ATP6V1B1: variants seen among roughly 807,000 people sequenced by gnomAD.
ATP6V1B1 encodes ATPase H+ transporting V1 subunit B1.
ATP6V1B1 carries 41 observed loss-of-function variants against 62.1 expected under a neutral mutation model. The ratio of observed to expected loss-of-function variants is 0.66; its 90% confidence interval spans 0.51 to 0.86. The LOEUF is 0.86. ATP6V1B1 is among the 40% of genes least tolerant of loss of function. The pLI is 0.00. For missense variants in ATP6V1B1, 651 were observed against 697.5 expected (o/e 0.93, Z 0.75); for synonymous variants, 253 against 273.4 (o/e 0.93, Z 0.74).
At chr2:70,938,899 T>G in intron 1 of ATP6V1B1, 2 of 677,376 alleles carry the variant, frequency 3.0e-6, no homozygotes, top group Non-Finnish European at 3.6e-6. Flanking sequence ...GGAGCTTGAG[T>G]GCCAAACCAC....
At chr2:70,950,135 A>T (rs1327421267) in intron 2 of ATP6V1B1, among the ~76,000 whole-genome samples, 3 of 152,112 alleles carry the variant, frequency 2.0e-5, no homozygotes, top group Admixed American at 6.5e-5. Context: ...TTTGTTCTAT[A>T]ATAGTCCTAT....
rs781992920 is a variant in ATP6V1B1 at position 70,962,764 on chromosome 2, G to A, written c.786-13G>A. The A allele has an allele frequency of 2.5e-6, 4 of 1,613,250 alleles. No individual in the cohort carries two copies. The highest frequency in any genetic ancestry group is 3.3e-4 in the Middle Eastern group (2 of 6,062). On this transcript the variant is annotated splice_polypyrimidine_tract_variant and intron_variant, in intron 8 of 13. Transcript: ENST00000234396. ...GGCCTCCAGGCTCTCTAAACACCTG[G>A]CTACACCTCCAGGATCGAGCGGATC...
In ATP6V1B1 at chr2:70,959,836, A is replaced by T; in HGVS notation, c.446-103A>T. On this transcript the variant is annotated intron_variant, in intron 5 of 13. Coordinates refer to ENST00000234396, the MANE Select transcript of ATP6V1B1 (RefSeq NM_001692.4). This position sits in a 1 kb window ranked among gnomAD's most constrained non-coding sequence, Gnocchi z 4.2. ...CAGAGCACGTTTCTATCATCACAGA[A>T]AGTTCCGTCAAACAGGGCGGCTCTG... 1.9e-6 allele frequency: 3 copies of T among 1,580,982 alleles called. No individual in the cohort carries two copies. The South Asian group carries it at 3.4e-5, about 18-fold the overall frequency.
intron 1 of ATP6V1B1, chr2:70,941,461 TGAA>T (rs1553416393): frequency 1.0e-6 from 1 of 985,038 alleles, no homozygotes; most frequent in Non-Finnish European, 1.2e-6. Context: ...CCCTTGACCC[TGAA>T]GGCTCAGCTC....
At position 70,963,860 on chromosome 2, in the gene ATP6V1B1, G is replaced by C. The variant is rs189307430; in HGVS notation, c.1143+206G>C. On this transcript the variant is annotated intron_variant, in intron 11 of 13. Transcript: ENST00000234396. This position sits in a 1 kb window ranked among gnomAD's most constrained non-coding sequence, Gnocchi z 4.3. ...TTACCTGGCTCTGGGATCTTGAGAA[G>C]ATAATTTCATCTCTTGGATCCTAGG... Among the ~76,000 whole-genome samples, 101 of 152,334 alleles carry C rather than the reference G, an allele frequency of 6.6e-4. 3 individuals carry two copies. The highest frequency in any genetic ancestry group is 5.8e-3 in the Admixed American group (88 of 15,296).
intron 2 of ATP6V1B1, among the ~76,000 whole-genome samples, chr2:70,957,087 CT>C (rs56407020): frequency 0.15 from 18,606 of 124,804 alleles, 1,299 homozygotes; most frequent in African/African-American, 0.29. Flanking sequence ...AGTTCTTCTT[CT>C]TTTTTTTTTT....
Position 70,963,762 on chromosome 2 carries a change from C to A in ATP6V1B1, c.1143+108C>A. On this transcript the variant is annotated intron_variant, in intron 11 of 13. Coordinates refer to ENST00000234396, the MANE Select transcript of ATP6V1B1 (RefSeq NM_001692.4). This position sits in a 1 kb window ranked among gnomAD's most constrained non-coding sequence, Gnocchi z 4.3. ...ATTAGGAGGGGCCAGCCAAAGCGAA[C>A]CCCAAACAGGAGACAGCCACAGGGA... 8.1e-7 allele frequency: 1 copy of A among 1,230,540 alleles called. No individual in the cohort carries two copies. Among genetic ancestry groups the A allele is most frequent in the Non-Finnish European group, 1.2e-6 (1 of 848,640 alleles). 76.2% of individuals were successfully genotyped at this position (1,230,540 alleles called of 1,614,324 possible). A position where few individuals can be genotyped will look rare whatever the true frequency, so the allele number is the denominator to read the frequency against.
At position 70,959,104 on chromosome 2, in the gene ATP6V1B1, C is replaced by A. The variant is rs782448284; in HGVS notation, c.445+9C>A. ...CTTTCTGGATATCAATGGTGAGTGA[C>A]TGGAGGTTCTGGATGGCTTCGGGAC... On this transcript the variant is annotated intron_variant, in intron 5 of 13. Transcript: ENST00000234396. The surrounding 1 kb of genome is among the most constrained non-coding windows in gnomAD (Gnocchi z 4.2). The A allele has an allele frequency of 5.0e-6, 8 of 1,614,040 alleles. No homozygotes were observed. The highest frequency in any genetic ancestry group is 1.1e-5 in the South Asian group (1 of 91,068).
chr2:70,941,387 C>A, intron 1 of ATP6V1B1: 1 of 985,622 alleles, frequency 1.0e-6, no homozygotes. Flanking sequence ...CACGAAGGCC[C>A]TGGATGAGTC....
chr2:70,948,613 T>C (rs1680244984), intron 2 of ATP6V1B1: 1 of 152,646 alleles, frequency 6.6e-6, no homozygotes, highest in Non-Finnish European at 1.5e-5. Flanking sequence ...TCGCTGTCCG[T>C]GCTCCTGGGC....
chr2:70,948,015 C>T (rs1271930813), intron 2 of ATP6V1B1, among the ~76,000 whole-genome samples: 5 of 152,230 alleles, frequency 3.3e-5, no homozygotes. Flanking sequence ...CCAGCACACA[C>T]TTAGAGCCTG....
chr2:70,951,299 GAATT>G (rs1680318676), intron 2 of ATP6V1B1, among the ~76,000 whole-genome samples: 1 of 152,182 alleles, frequency 6.6e-6, no homozygotes, highest in African/African-American at 2.4e-5. Flanking sequence ...TATTTCCTAA[GAATT>G]AAGATATTCT....
rs1465255074 is a variant in ATP6V1B1 at position 70,964,844 on chromosome 2, GAGA to G, written c.1362_1364del (p.Lys454del). The G allele has an allele frequency of 1.9e-6, 3 of 1,614,056 alleles. No individual in the cohort carries two copies. Among genetic ancestry groups the G allele is most frequent in the Non-Finnish European group, 2.5e-6 (3 of 1,180,040 alleles). ...CTACCTGGAATTCCTGCAGAAGTTT[GAGA>G]AGAACTTCATCAATCAGGGTAAGGC... On this transcript the variant is annotated inframe_deletion, in exon 13 of 14. Coordinates refer to ENST00000234396, the MANE Select transcript of ATP6V1B1 (RefSeq NM_001692.4).
At chr2:70,954,786 T>C (rs1443592518) in intron 2 of ATP6V1B1, among the ~76,000 whole-genome samples, 4 of 152,178 alleles carry the variant, frequency 2.6e-5, no homozygotes, top group African/African-American at 7.2e-5. Flanking sequence ...CCTGGCCCCA[T>C]TAATTTTAGT....
chr2:70,945,721 T>G (rs1341909983), intron 2 of ATP6V1B1, among the ~76,000 whole-genome samples: 2 of 134,450 alleles, frequency 1.5e-5, no homozygotes, highest in South Asian at 2.4e-4. Context: ...TATATATATA[T>G]ATATATATAT....
At chr2:70,941,346 G>A in intron 1 of ATP6V1B1, 1 of 985,618 alleles carries the variant, frequency 1.0e-6, no homozygotes. Context: ...GCGAGCCTGT[G>A]CATGCCAGCC....
rs782348425 is a variant in ATP6V1B1 at position 70,959,892 on chromosome 2, G to C, written c.446-47G>C. 22 of 1,613,790 alleles carry C rather than the reference G, an allele frequency of 1.4e-5. No homozygotes were observed. Among genetic ancestry groups the C allele is most frequent in the Non-Finnish European group, 6.8e-6 (8 of 1,180,010 alleles). ...TGGGGTCAGTGTCGAGGAGAGCAGGGAAGGGTTTGAACCCCTGAGCATGGC... is the reference window on the plus strand; with the variant it reads ...TGGGGTCAGTGTCGAGGAGAGCAGGCAAGGGTTTGAACCCCTGAGCATGGC... On this transcript the variant is annotated intron_variant, in intron 5 of 13. Transcript: ENST00000234396. This position sits in a 1 kb window ranked among gnomAD's most constrained non-coding sequence, Gnocchi z 4.2.
At chr2:70,949,587 A>G (rs1428103336) in intron 2 of ATP6V1B1, among the ~76,000 whole-genome samples, 1 of 152,308 alleles carries the variant, frequency 6.6e-6, no homozygotes, top group East Asian at 1.9e-4. Context: ...CTGGCCCTGA[A>G]TATGTTCTCT....
chr2:70,961,446 C>G (rs1553420085), intron 7 of ATP6V1B1, 150 bp from the exon 8 acceptor site: 1 of 794,322 alleles, frequency 1.3e-6, no homozygotes, highest in African/African-American at 1.7e-5. Flanking sequence ...CCCTTTCCAG[C>G]CCCGGGGTCA....
Sources: gnomAD v4.1 joint callset for allele counts (sites outside exome capture counted in the v4.1 genomes callset) on GRCh38, gnomAD v4.1.1 for gene constraint, Gnocchi (gnomAD v3.1) non-coding constraint, MANE v1.5 for transcripts, NCBI Gene and HGNC (gene_info 2026-07-23, HGNC 2026-07-21) for gene names.